PRDM14: variants seen among roughly 807,000 people sequenced by gnomAD.
PRDM14 encodes PR/SET domain 14.
Under a neutral mutation model 48.0 loss-of-function variants are expected in PRDM14, and 16 were observed. The observed-to-expected ratio is 0.33, with a 90% confidence interval of 0.23 to 0.51. The LOEUF is 0.51. Among genes scored for constraint, PRDM14 ranks in the 20% least tolerant of loss-of-function variants. The pLI is 0.97. For missense variants in PRDM14, 566 were observed against 719.6 expected (o/e 0.79, Z 2.44); for synonymous variants, 264 against 276.6 (o/e 0.95, Z 0.45).
rs1266259074 is a variant in PRDM14, at chr8:70,071,159, C to T, written c.-34G>A. On this transcript the variant is annotated 5_prime_UTR_variant, in exon 1 of 8. Transcript: ENST00000276594. This position sits in a 1 kb window ranked among gnomAD's most constrained non-coding sequence, Gnocchi z 5.2. Reference sequence around the variant, plus strand: ...CCTGTCCCGTGCCTACCTCCGACACCACCTCCAAGAGCGCCACCGCGGAGC... The same window carrying T: ...CCTGTCCCGTGCCTACCTCCGACACTACCTCCAAGAGCGCCACCGCGGAGC... 1 of 152,430 alleles carries T rather than the reference C, an allele frequency of 6.6e-6. No homozygotes were observed. Among genetic ancestry groups the T allele is most frequent in the East Asian group, 1.9e-4 (1 of 5,162 alleles). The allele number at this position is 152,430 out of a possible 1,614,324, so 9.4% of individuals were successfully genotyped here.
intron 6 of PRDM14, 145 bp downstream of exon 6, chr8:70,058,495 A>C: frequency 1.5e-6 from 1 of 674,470 alleles, no homozygotes; most frequent in South Asian, 1.7e-5. Context: ...CCTGTTCCGT[A>C]ATACTATCCT....
In PRDM14 at chr8:70,064,701, A is replaced by G. The variant is rs189380684; in HGVS notation, c.1183+1534T>C. On this transcript the variant is annotated intron_variant, in intron 5 of 7. Transcript: ENST00000276594. ...CACCACGCCCGGCTAATTTTTTTGT[A>G]TTTTTAGTAGAGAAGAGGTTTCACC... 3.5e-3 allele frequency among the ~76,000 whole-genome samples: 525 copies of G among 149,402 alleles called. 4 individuals are homozygous for G. Among genetic ancestry groups the G allele is most frequent in the Middle Eastern group, 0.017 (5 of 288 alleles).
intron 6 of PRDM14, among the ~76,000 whole-genome samples, chr8:70,058,157 G>C (rs575751350): frequency 2.6e-5 from 4 of 152,128 alleles, no homozygotes; most frequent in African/African-American, 9.7e-5. Context: ...GAGGCCTTCC[G>C]CTCCTTGGAA....
At chr8:70,066,919 A>T (rs1402120337) in intron 4 of PRDM14, among the ~76,000 whole-genome samples, 1 of 151,964 alleles carries the variant, frequency 6.6e-6, no homozygotes, top group Non-Finnish European at 1.5e-5. Flanking sequence ...TTTTGTAGAG[A>T]CAGGGCCTCA....
chr8:70,055,915 A>T (rs917397981), intron 6 of PRDM14, among the ~76,000 whole-genome samples: 16 of 152,218 alleles, frequency 1.1e-4, no homozygotes, highest in African/African-American at 3.9e-4. Flanking sequence ...ACTACAGAAC[A>T]TTGGTTAAAT....
intron 7 of PRDM14, among the ~76,000 whole-genome samples, chr8:70,053,842 G>A (rs1277039722): frequency 6.6e-6 from 1 of 152,152 alleles, no homozygotes; most frequent in East Asian, 1.9e-4. Context: ...CGGCTTTACT[G>A]TAAAAAGCGT....
In PRDM14 at chr8:70,062,461, T is replaced by G. The variant is rs72663916; in HGVS notation, c.1184-3619A>C. On this transcript the variant is annotated intron_variant, in intron 5 of 7. Transcript: ENST00000276594. ...ACCAAAGTCTAAATATAAAGTCCAT[T>G]TATGTTTTGTTTTATACATACTTTA... 7.3e-3 allele frequency among the ~76,000 whole-genome samples: 1,114 copies of G among 152,298 alleles called. 3 individuals carry two copies. Among genetic ancestry groups the G allele is most frequent in the Non-Finnish European group, 0.011 (761 of 68,022 alleles).
intron 6 of PRDM14, among the ~76,000 whole-genome samples, chr8:70,057,695 A>C (rs1405602115): frequency 2.0e-5 from 3 of 152,156 alleles, no homozygotes; most frequent in Non-Finnish European, 4.4e-5. Flanking sequence ...ACTTTTCACT[A>C]TCAGAATACT....
intron 7 of PRDM14, among the ~76,000 whole-genome samples, chr8:70,053,928 A>G (rs1017738194): frequency 9.9e-5 from 15 of 152,188 alleles, no homozygotes; most frequent in African/African-American, 3.6e-4. Flanking sequence ...GGGAATATTC[A>G]TTACCCACGC....
intron 5 of PRDM14, among the ~76,000 whole-genome samples, chr8:70,065,044 G>A (rs576048827): frequency 9.9e-5 from 15 of 151,632 alleles, no homozygotes; most frequent in Admixed American, 5.3e-4. Context: ...GTGCCACTAC[G>A]CCCCGCTAAT....
chr8:70,070,324 G>A (rs1182955124), intron 1 of PRDM14, among the ~76,000 whole-genome samples: 1 of 152,180 alleles, frequency 6.6e-6, no homozygotes, highest in Non-Finnish European at 1.5e-5. Context: ...GCCAACCTCG[G>A]GGCTGGGCCG....
At chr8:70,058,570 T>A (rs1805520407) in intron 6 of PRDM14, 70 bp downstream of exon 6, 2 of 1,389,888 alleles carry the variant, frequency 1.4e-6, no homozygotes, top group Non-Finnish European at 1.0e-6. Flanking sequence ...ACAAGGCAAC[T>A]CCCCGTGTTC....
At chr8:70,059,089 G>C (rs1273209935) in intron 5 of PRDM14, among the ~76,000 whole-genome samples, 1 of 151,848 alleles carries the variant, frequency 6.6e-6, no homozygotes, top group Admixed American at 6.6e-5. Context: ...CAAGTAGCTG[G>C]GATTACAGGT....
intron 7 of PRDM14, among the ~76,000 whole-genome samples, chr8:70,054,515 AT>A (rs561179179): frequency 0.048 from 5,524 of 114,896 alleles, 176 homozygotes; most frequent in African/African-American, 0.15. Context: ...TGAAATAGTG[AT>A]TTTTTTTTTT....
chr8:70,062,506 A>G (rs953772942), intron 5 of PRDM14, among the ~76,000 whole-genome samples: 1 of 147,086 alleles, frequency 6.8e-6, no homozygotes, highest in Admixed American at 6.8e-5. Context: ...CCTGAAGGTA[A>G]TTTTTTTTTT....
chr8:70,066,153 C>T (rs1805662853), intron 5 of PRDM14, 82 bp downstream of exon 5: 2 of 1,439,040 alleles, frequency 1.4e-6, no homozygotes, highest in Non-Finnish European at 1.9e-6. Flanking sequence ...GAGGGAGGAG[C>T]TGTGCATGGA....
chr8:70,065,048 C>T (rs550047654), intron 5 of PRDM14, among the ~76,000 whole-genome samples: 27 of 151,802 alleles, frequency 1.8e-4, no homozygotes, highest in Admixed American at 9.2e-4. Flanking sequence ...CACTACGCCC[C>T]GCTAATTTTT....
In PRDM14 at chr8:70,070,110, T is replaced by G. The variant is rs576169866; in HGVS notation, c.-24-226A>C. Among the ~76,000 whole-genome samples the G allele has an allele frequency of 5.3e-5, 8 of 152,322 alleles. No homozygotes were observed. In the East Asian group the frequency reaches 9.7e-4, roughly 18 times the overall value. ...CCCAAACGGAAATCTGCCGGGATCC[T>G]GCCCTACTCTAAATTCCGGGTTAGT... is the stretch of plus-strand genomic sequence containing the variant. On this transcript the variant is annotated intron_variant, in intron 1 of 7. Transcript: ENST00000276594.
At chr8:70,068,831 A>G (rs144871083) in intron 2 of PRDM14, among the ~76,000 whole-genome samples, 1 of 152,228 alleles carries the variant, frequency 6.6e-6, no homozygotes, top group Non-Finnish European at 1.5e-5. Context: ...GACTAAGGTC[A>G]GCGTAGCTAG....
Sources: gnomAD v4.1 joint callset for allele counts (sites outside exome capture counted in the v4.1 genomes callset) on GRCh38, gnomAD v4.1.1 for gene constraint, Gnocchi (gnomAD v3.1) non-coding constraint, MANE v1.5 for transcripts, NCBI Gene and HGNC (gene_info 2026-07-23, HGNC 2026-07-21) for gene names.